The following ARHGAP24 variants were observed in gnomAD, a reference collection of about 807,000 sequenced individuals.
The protein encoded by ARHGAP24 is Rho GTPase activating protein 24, also known as rho GTPase-activating protein 24.
ARHGAP24 carries 50 observed loss-of-function variants against 76.4 expected under a neutral mutation model. The observed-to-expected ratio is 0.65, with a 90% CI of 0.52 to 0.83. The LOEUF (loss-of-function observed/expected upper bound fraction) is 0.83. Among genes scored for constraint, ARHGAP24 ranks in the 40% least tolerant of loss-of-function variants. The pLI is 0.00. For missense variants in ARHGAP24, 930 were observed against 914.2 expected, an observed-to-expected ratio of 1.02 and a Z score of -0.22; for synonymous variants, 345 against 323.3, an observed-to-expected ratio of 1.07 and a Z score of -0.72.
intron 3 of ARHGAP24, among the ~76,000 whole-genome samples, chr4:85,805,497 G>C (rs1224838875): frequency 6.6e-6 from 1 of 152,174 alleles, no homozygotes; most frequent in African/African-American, 2.4e-5. Context: ...GTGATACTCT[G>C]ATAAAATGGC....
chr4:85,864,776 AC>A (rs767887709), intron 3 of ARHGAP24, among the ~76,000 whole-genome samples: 1 of 152,126 alleles, frequency 6.6e-6, no homozygotes. Context: ...ATATGGAAAT[AC>A]GGACCAGTTA....
intron 3 of ARHGAP24, among the ~76,000 whole-genome samples, chr4:85,804,529 T>C (rs775585171): frequency 6.6e-6 from 1 of 152,176 alleles, no homozygotes; most frequent in Non-Finnish European, 1.5e-5. Context: ...CCAAACAGTA[T>C]ATAAATGAGC....
chr4:85,556,691 C>T (rs1293055150), intron 1 of ARHGAP24, among the ~76,000 whole-genome samples: 6 of 152,052 alleles, frequency 3.9e-5, no homozygotes, highest in East Asian at 1.9e-4. Flanking sequence ...GAGGTGGGGA[C>T]GCATGTGGAA....
chr4:85,793,630 C>T (rs1728220687), intron 3 of ARHGAP24, among the ~76,000 whole-genome samples: 2 of 152,018 alleles, frequency 1.3e-5, no homozygotes, highest in East Asian at 3.8e-4. Context: ...TGTGTATACT[C>T]TTTTTTTAAA....
chr4:85,901,411 C>T (rs1040130956), intron 3 of ARHGAP24, among the ~76,000 whole-genome samples: 6 of 151,836 alleles, frequency 4.0e-5, no homozygotes, highest in Non-Finnish European at 7.4e-5. Flanking sequence ...ACTGACAAAA[C>T]CATAAGAAAT....
chr4:85,680,803 A>T (rs1390001138), intron 2 of ARHGAP24, among the ~76,000 whole-genome samples: 1 of 149,178 alleles, frequency 6.7e-6, no homozygotes, highest in Non-Finnish European at 1.5e-5. Flanking sequence ...TAATTATAAT[A>T]TATAATAAAG....
chr4:85,607,799 C>T (rs562854167), intron 2 of ARHGAP24, among the ~76,000 whole-genome samples: 3 of 135,714 alleles, frequency 2.2e-5, no homozygotes, highest in Non-Finnish European at 3.2e-5. Flanking sequence ...GCCATAGCTA[C>T]GCCGTGCCAA....
chr4:85,624,446 A>G (rs1720854068), intron 2 of ARHGAP24, among the ~76,000 whole-genome samples: 1 of 152,180 alleles, frequency 6.6e-6, no homozygotes, highest in Non-Finnish European at 1.5e-5. Context: ...CCACTTGATT[A>G]TGGTGGATAA....
chr4:85,966,984 G>A (rs143506353), intron 5 of ARHGAP24, among the ~76,000 whole-genome samples: 1,898 of 152,162 alleles, frequency 0.012, 33 homozygotes, highest in African/African-American at 0.043. Context: ...TTTTGTCTGT[G>A]TAATATTATA....
chr4:85,664,772 C>G (rs1400644031), intron 2 of ARHGAP24, among the ~76,000 whole-genome samples: 1 of 151,704 alleles, frequency 6.6e-6, no homozygotes, highest in African/African-American at 2.4e-5. Flanking sequence ...CGTTATGTAC[C>G]CAGTAGTCAT....
At chr4:85,540,972 G>GT (rs1725659486) in intron 1 of ARHGAP24, among the ~76,000 whole-genome samples, 1 of 121,446 alleles carries the variant, frequency 8.2e-6, no homozygotes, top group African/African-American at 6.3e-5. Flanking sequence ...GTGTCCCTCT[G>GT]GGCTTAATAT....
chr4:85,518,794 T>C (rs1340764654), intron 1 of ARHGAP24, among the ~76,000 whole-genome samples: 2 of 152,174 alleles, frequency 1.3e-5, no homozygotes, highest in Non-Finnish European at 2.9e-5. Flanking sequence ...GGTTCCACAA[T>C]TTTGCTATTG....
At chr4:85,984,220 A>T (rs764225884) in intron 8 of ARHGAP24, among the ~76,000 whole-genome samples, 6 of 152,214 alleles carry the variant, frequency 3.9e-5, no homozygotes, top group Non-Finnish European at 8.8e-5. Context: ...ATTCCACCAG[A>T]AAAAGAAATA....
intron 2 of ARHGAP24, among the ~76,000 whole-genome samples, chr4:85,624,356 A>G (rs201650622): frequency 0.33 from 49,848 of 151,666 alleles, 9,226 homozygotes; most frequent in East Asian, 0.84. Context: ...TGTGGTTTTT[A>G]TCTTTGGTTC....
chr4:85,847,886 T>G (rs928888494), intron 3 of ARHGAP24, among the ~76,000 whole-genome samples: 10 of 152,156 alleles, frequency 6.6e-5, no homozygotes, highest in African/African-American at 2.4e-4. Flanking sequence ...TGAGCATTGT[T>G]CATCTCATCC....
chr4:85,753,591 C>T (rs1368751717), intron 3 of ARHGAP24, among the ~76,000 whole-genome samples: 14 of 152,164 alleles, frequency 9.2e-5, no homozygotes, highest in Non-Finnish European at 1.5e-5. Context: ...TTTATGCGCC[C>T]CACATATGAG....
intron 2 of ARHGAP24, among the ~76,000 whole-genome samples, chr4:85,576,217 C>CAGA (rs1727365626): frequency 1.3e-5 from 2 of 152,078 alleles, no homozygotes; most frequent in African/African-American, 2.4e-5. Context: ...ATCACGAGGT[C>CAGA]AGATCGAGAC....
intron 2 of ARHGAP24, among the ~76,000 whole-genome samples, chr4:85,577,706 G>T (rs1042569395): frequency 6.6e-6 from 1 of 152,152 alleles, no homozygotes; most frequent in Non-Finnish European, 1.5e-5. Context: ...TTTTAATAAA[G>T]ATAAAATAGG....
intron 2 of ARHGAP24, among the ~76,000 whole-genome samples, chr4:85,708,089 C>A (rs1724387873): frequency 6.6e-6 from 1 of 152,062 alleles, no homozygotes; most frequent in African/African-American, 2.4e-5. Flanking sequence ...GCAAAATGAA[C>A]CTGAAAACTC....
Sources: gnomAD v4.1 joint callset for allele counts (sites outside exome capture counted in the v4.1 genomes callset) on GRCh38, gnomAD v4.1.1 for gene constraint, MANE v1.5 for transcripts, NCBI Gene and HGNC (gene_info 2026-07-23, HGNC 2026-07-21) for gene names.